Variants in EBF4 observed in about 807,000 individuals in gnomAD.
The protein encoded by EBF4 is transcription factor COE4.
Under a neutral mutation model 67.1 loss-of-function variants are expected in EBF4, and 34 were observed. The ratio of observed to expected loss-of-function variants is 0.51; its 90% CI spans 0.39 to 0.67. EBF4 has a LOEUF of 0.67. EBF4 is among the 30% of genes least tolerant of loss of function. EBF4 has a pLI of 0.00. For missense variants in EBF4, 837 were observed against 873.3 expected (o/e 0.96, Z 0.52); for synonymous variants, 387 against 377.7 (o/e 1.02, Z -0.29).
chr20:2,721,248 T>TC (rs2087676589), intron 6 of EBF4, among the ~76,000 whole-genome samples: 1 of 100,462 alleles, frequency 1.0e-5, no homozygotes, highest in African/African-American at 4.4e-5. Flanking sequence ...ATTCTCTTCT[T>TC]TTTTTTTTTT....
At chr20:2,709,577 G>C (rs61733881) in exon 6 of EBF4, 2 of 1,553,278 alleles carry the variant, frequency 1.3e-6, no homozygotes, top group African/African-American at 2.7e-5. Flanking sequence ...CCTTCAGCCG[G>C]TGCTGTGACC....
rs1568584889 is a variant in EBF4, at chr20:2,745,379, C to A, written c.558-3170C>A. The stretch of plus-strand genomic sequence containing the variant: ...GGGAGAAGGGGACTGACCCTCAGCC[C>A]CCACTGCAGGCCATGGTCTTGTGCA... On this transcript the variant is annotated intron_variant, in intron 6 of 16. Transcript: ENST00000609451. This position sits in a 1 kb window ranked among gnomAD's most constrained non-coding sequence, Gnocchi z 5.2. Among the ~76,000 whole-genome samples the A allele has an allele frequency of 6.6e-6, 1 of 152,214 alleles. No individual in the cohort carries two copies. Among genetic ancestry groups the A allele is most frequent in the Non-Finnish European group, 1.5e-5 (1 of 68,040 alleles).
rs1177193086 is a variant in EBF4 at position 2,696,976 on chromosome 20, T to TG, written c.137+3199dup. ...GCAGGCTCAGGCAGTCCATGGGGGA[T>TG]GGGGGTGATGACTGTCTGCCGGAGG... On this transcript the variant is annotated intron_variant, in intron 1 of 16. Transcript: ENST00000609451. This position sits in a 1 kb window ranked among gnomAD's most constrained non-coding sequence, Gnocchi z 4.7. Among the ~76,000 whole-genome samples the TG allele has an allele frequency of 1.3e-5, 2 of 152,090 alleles. No individual in the cohort carries two copies. Among genetic ancestry groups the TG allele is most frequent in the Non-Finnish European group, 1.5e-5 (1 of 68,016 alleles).
intron 6 of EBF4, among the ~76,000 whole-genome samples, chr20:2,732,823 A>AT (rs3053392): frequency 6.5e-4 from 89 of 137,968 alleles, no homozygotes; most frequent in Middle Eastern, 3.7e-3. Context: ...TCTTTTTCTT[A>AT]TTTTTTTTTG....
chr20:2,738,435 T>C (rs1336323327), intron 6 of EBF4, among the ~76,000 whole-genome samples: 1 of 152,154 alleles, frequency 6.6e-6, no homozygotes, highest in African/African-American at 2.4e-5. Flanking sequence ...TGGACTCTGA[T>C]AGCCTGCATT....
At chr20:2,753,475 A>T (rs2088189639) in intron 14 of EBF4, among the ~76,000 whole-genome samples, 1 of 152,220 alleles carries the variant, frequency 6.6e-6, no homozygotes, top group African/African-American at 2.4e-5. Flanking sequence ...AGGCATTTAT[A>T]AAGCGCCCAC....
At chr20:2,701,676 C>A (rs2087377262) in intron 1 of EBF4, among the ~76,000 whole-genome samples, 2 of 152,218 alleles carry the variant, frequency 1.3e-5, no homozygotes, top group Non-Finnish European at 2.9e-5. Flanking sequence ...CAGCACCCAC[C>A]ACTCCTCTGG....
chr20:2,726,202 T>G (rs2087744503), intron 6 of EBF4, among the ~76,000 whole-genome samples: 1 of 152,190 alleles, frequency 6.6e-6, no homozygotes, highest in Non-Finnish European at 1.5e-5. Context: ...TTTCTGGACT[T>G]TTCATTCAAT....
intron 6 of EBF4, among the ~76,000 whole-genome samples, chr20:2,717,955 T>C (rs557207857): frequency 6.6e-6 from 1 of 152,178 alleles, no homozygotes; most frequent in Non-Finnish European, 1.5e-5. Context: ...GGATTACAGA[T>C]GCATGCCACC....
intron 14 of EBF4, among the ~76,000 whole-genome samples, chr20:2,753,191 A>G (rs980127229): frequency 1.3e-5 from 2 of 152,204 alleles, no homozygotes; most frequent in African/African-American, 4.8e-5. Context: ...CCCCCTGCTT[A>G]AGGTTGATCT....
At chr20:2,706,374 C>T (rs920130818) in intron 4 of EBF4, 110 bp downstream of exon 4, 23 of 1,290,794 alleles carry the variant, frequency 1.8e-5, no homozygotes, top group African/African-American at 5.9e-5. Context: ...CTATGCCCTC[C>T]GTCCCCATCA....
At chr20:2,725,238 A>G (rs1163675645) in intron 6 of EBF4, among the ~76,000 whole-genome samples, 1 of 152,112 alleles carries the variant, frequency 6.6e-6, no homozygotes, top group Non-Finnish European at 1.5e-5. Flanking sequence ...AAACAATTTT[A>G]TATTTCCCAC....
intron 6 of EBF4, among the ~76,000 whole-genome samples, chr20:2,730,142 G>C (rs769509349): frequency 3.9e-5 from 6 of 152,172 alleles, no homozygotes; most frequent in Admixed American, 6.5e-5. Flanking sequence ...GTTTCCTAAG[G>C]CTGTCCTAAC....
chr20:2,703,743 C>G (rs1280531145), intron 1 of EBF4, among the ~76,000 whole-genome samples: 1 of 151,462 alleles, frequency 6.6e-6, no homozygotes, highest in Non-Finnish European at 1.5e-5. Flanking sequence ...GACTCCAAAA[C>G]TTAGCAACTT....
downstream of EBF4, chr20:2,759,397 AGAGG>A: frequency 4.1e-6 from 1 of 244,488 alleles, no homozygotes; most frequent in Non-Finnish European, 8.1e-6. Flanking sequence ...CTGAACGGGG[AGAGG>A]CCTTCACCCC....
Position 2,693,827 on chromosome 20 carries a change from C to T in EBF4, c.137+45C>T, listed in dbSNP as rs2087247921. On this transcript the variant is annotated intron_variant, in intron 1 of 16. Coordinates refer to ENST00000609451, the Ensembl canonical transcript of EBF4. This position sits in a 1 kb window ranked among gnomAD's most constrained non-coding sequence, Gnocchi z 4.6. ...CCGGTGCGCTCGGGTTGGACGGCTG[C>T]GCGCCGCCTCAGCTCAGCTTGCTGG... The T allele has an allele frequency of 4.8e-6, 6 of 1,259,880 alleles. No homozygotes were observed. The highest frequency in any genetic ancestry group is 5.0e-6 in the Non-Finnish European group (5 of 1,001,898). The allele number at this position is 1,259,880 out of a possible 1,614,324, so 78.0% of individuals were successfully genotyped here. A position where few individuals can be genotyped will look rare whatever the true frequency, so the allele number is the denominator to read the frequency against.
chr20:2,709,243 C>G (rs1485327113), intron 5 of EBF4, among the ~76,000 whole-genome samples: 1 of 152,174 alleles, frequency 6.6e-6, no homozygotes, highest in African/African-American at 2.4e-5. Flanking sequence ...CGTTTGAGCT[C>G]CTGTCTCTGC....
At chr20:2,708,349 G>A (rs1455021304) in intron 5 of EBF4, among the ~76,000 whole-genome samples, 1 of 152,246 alleles carries the variant, frequency 6.6e-6, no homozygotes, top group African/African-American at 2.4e-5. Flanking sequence ...GTCTGGGAAG[G>A]CCTCTGGGAT....
At chr20:2,753,584 C>T (rs561550465) in intron 14 of EBF4, among the ~76,000 whole-genome samples, 48 of 152,382 alleles carry the variant, frequency 3.1e-4, no homozygotes, top group African/African-American at 9.9e-4. Flanking sequence ...AAGTCCCAGG[C>T]GACTCTGCCG....
Sources: allele counts gnomAD v4.1 joint callset (sites outside exome capture counted in the v4.1 genomes callset), GRCh38; gene constraint gnomAD v4.1.1; non-coding constraint Gnocchi (gnomAD v3.1); transcripts MANE v1.5; gene names NCBI Gene and HGNC (gene_info 2026-07-23, HGNC 2026-07-21).